TLCD4: variants seen among roughly 807,000 people sequenced by gnomAD.
TLCD4 encodes the protein TLC domain containing 4.
Under a neutral mutation model 24.2 loss-of-function variants are expected in TLCD4, and 7 were observed. The ratio of observed to expected loss-of-function variants is 0.29; its 90% confidence interval spans 0.16 to 0.54. The LOEUF (loss-of-function observed/expected upper bound fraction) is 0.54, where lower values mean the gene tolerates loss of function less well. Ranked by LOEUF, TLCD4 falls within the 20% of genes least tolerant of loss-of-function variation. TLCD4 has a pLI of 0.95. For synonymous variants in TLCD4, 103 were observed against 106.4 expected (o/e 0.97, Z 0.20); for missense variants, 259 against 313.9 (o/e 0.82, Z 1.32).
At chr1:95,190,426 G>A (rs1678986636) in intron 6 of TLCD4, among the ~76,000 whole-genome samples, 1 of 152,020 alleles carries the variant, frequency 6.6e-6, no homozygotes, top group Non-Finnish European at 1.5e-5. Flanking sequence ...TGCCTCCTGG[G>A]TTCAAGCAAT....
chr1:95,126,385 T>C (rs1452322722), intron 1 of TLCD4, among the ~76,000 whole-genome samples: 2 of 144,308 alleles, frequency 1.4e-5, no homozygotes, highest in Non-Finnish European at 3.0e-5. Context: ...CCGAGATCAC[T>C]CCACTGCACT....
chr1:95,155,805 T>G (rs1468938964), intron 5 of TLCD4, among the ~76,000 whole-genome samples: 1 of 151,486 alleles, frequency 6.6e-6, no homozygotes, highest in African/African-American at 2.4e-5. Flanking sequence ...ACTGGCAGGA[T>G]CAACCAGGTA....
intron 5 of TLCD4, among the ~76,000 whole-genome samples, chr1:95,161,943 A>AG: frequency 6.6e-6 from 1 of 152,242 alleles, no homozygotes; most frequent in East Asian, 1.9e-4. Flanking sequence ...ATTTTGGAAT[A>AG]GTGCGATGTG....
intron 6 of TLCD4, among the ~76,000 whole-genome samples, chr1:95,188,619 A>G (rs1678915880): frequency 6.6e-6 from 1 of 152,140 alleles, no homozygotes; most frequent in Non-Finnish European, 1.5e-5. Flanking sequence ...TTTAGGTTAT[A>G]ATCCAATACA....
intron 5 of TLCD4, among the ~76,000 whole-genome samples, chr1:95,152,785 A>G (rs1467143735): frequency 6.6e-6 from 1 of 152,146 alleles, no homozygotes; most frequent in Non-Finnish European, 1.5e-5. Flanking sequence ...GGAGCAGGAT[A>G]CTAATTATCA....
rs1288477510 is a variant in TLCD4, at chr1:95,192,074, A to G, written c.*206A>G. ...CACTTTGGGAGGCCAAGGTGGGTCG[A>G]TCACTGAGGTCAGGAGTTCGAGACT... On this transcript the variant is annotated 3_prime_UTR_variant, in exon 7 of 7. Coordinates refer to ENST00000370203, the MANE Select transcript of TLCD4 (RefSeq NM_152487.3). 2 of 1,181,272 alleles carry G rather than the reference A, an allele frequency of 1.7e-6. No homozygotes were observed. Among genetic ancestry groups the G allele is most frequent in the Non-Finnish European group, 2.2e-6 (2 of 896,318 alleles). 73.2% of individuals were successfully genotyped at this position (1,181,272 alleles called of 1,614,324 possible). A position where few individuals can be genotyped will look rare whatever the true frequency, so the allele number is the denominator to read the frequency against.
At chr1:95,124,465 C>T (rs958130140) in intron 1 of TLCD4, among the ~76,000 whole-genome samples, 2 of 152,116 alleles carry the variant, frequency 1.3e-5, no homozygotes, top group African/African-American at 4.8e-5. Context: ...ACATCCTGAA[C>T]AACCTTCCCA....
At chr1:95,184,705 C>T (rs891598380) in intron 6 of TLCD4, among the ~76,000 whole-genome samples, 2 of 152,072 alleles carry the variant, frequency 1.3e-5, no homozygotes, top group African/African-American at 2.4e-5. Flanking sequence ...TCCTTCCTTC[C>T]CACATGCATG....
intron 6 of TLCD4, among the ~76,000 whole-genome samples, chr1:95,178,979 C>T (rs1678544789): frequency 6.6e-6 from 1 of 152,064 alleles, no homozygotes; most frequent in African/African-American, 2.4e-5. Flanking sequence ...TTTATTTGAT[C>T]CAGCATTAGG....
At chr1:95,143,866 T>G in intron 1 of TLCD4, 25 bp from the exon 2 acceptor site, 1 of 1,343,528 alleles carries the variant, frequency 7.4e-7, no homozygotes, top group Non-Finnish European at 9.6e-7. Flanking sequence ...AGACAACAAT[T>G]TATAGCTGTC....
chr1:95,107,004 G>A, the TLCD4 span, among the ~76,000 whole-genome samples: 29,448 of 152,150 alleles, frequency 0.19, 3,187 homozygotes, highest in East Asian at 0.39. Flanking sequence ...ATATGTATGG[G>A]TTGAGCTGCT....
the TLCD4 span, among the ~76,000 whole-genome samples, chr1:95,101,069 G>A: frequency 2.0e-5 from 3 of 151,800 alleles, no homozygotes; most frequent in South Asian, 2.1e-4. Context: ...CAATGTGCCC[G>A]GCTACTTTTT....
the TLCD4 span, among the ~76,000 whole-genome samples, chr1:95,097,907 G>A: frequency 2.0e-5 from 3 of 152,132 alleles, no homozygotes; most frequent in African/African-American, 7.2e-5. Context: ...AAATCAAGCA[G>A]CATTAGTTTT....
chr1:95,169,465 A>AT (rs1557692724), intron 5 of TLCD4, among the ~76,000 whole-genome samples: 2 of 152,156 alleles, frequency 1.3e-5, no homozygotes, highest in African/African-American at 4.8e-5. Context: ...CAAATTTACC[A>AT]TTTTTACACT....
chr1:95,161,203 G>A (rs1357990934), intron 5 of TLCD4, among the ~76,000 whole-genome samples: 2 of 152,140 alleles, frequency 1.3e-5, no homozygotes, highest in Admixed American at 6.5e-5. Context: ...TCTATTCAGG[G>A]ATTCAACTTC....
chr1:95,158,078 C>T (rs1395041198), intron 5 of TLCD4, among the ~76,000 whole-genome samples: 3 of 152,104 alleles, frequency 2.0e-5, no homozygotes, highest in Non-Finnish European at 4.4e-5. Flanking sequence ...ATTTGCCTTC[C>T]CTTCTTCCTC....
chr1:95,114,997 A>G (rs1450275059), upstream of TLCD4, among the ~76,000 whole-genome samples: 2 of 151,406 alleles, frequency 1.3e-5, no homozygotes, highest in Non-Finnish European at 2.9e-5. Context: ...TATGGTAAAT[A>G]CAGAATTCTG....
intron 1 of TLCD4, among the ~76,000 whole-genome samples, chr1:95,133,394 A>AT (rs1475522707): frequency 1.3e-5 from 2 of 151,830 alleles, no homozygotes; most frequent in African/African-American, 4.8e-5. Context: ...TTAAAAAAAA[A>AT]AGAGCCAATA....
chr1:95,171,376 G>A lies in TLCD4; in HGVS notation c.400-2440G>A, dbSNP rs72722164. 3.3e-5 allele frequency among the ~76,000 whole-genome samples: 5 copies of A among 152,146 alleles called. No individual in the cohort carries two copies. In the South Asian group the frequency reaches 6.2e-4, roughly 19 times the overall value. ...TTCCTCTGATACCAAAAAAAATCAC[G>A]GCAGCTATGATTTGCAGTTCACAAT... is the stretch of plus-strand genomic sequence containing the variant. On this transcript the variant is annotated intron_variant, in intron 5 of 6. Coordinates refer to ENST00000370203, the MANE Select transcript of TLCD4 (RefSeq NM_152487.3).
Sources: allele counts gnomAD v4.1 joint callset (sites outside exome capture counted in the v4.1 genomes callset), GRCh38; gene constraint gnomAD v4.1.1; transcripts MANE v1.5; gene names NCBI Gene and HGNC (gene_info 2026-07-23, HGNC 2026-07-21).